The following PAPLN variants were observed in gnomAD, a reference collection of about 807,000 sequenced individuals.
PAPLN encodes the protein papilin, proteoglycan like sulfated glycoprotein.
Under a neutral mutation model 159.0 loss-of-function variants are expected in PAPLN, and 146 were observed. The ratio of observed to expected loss-of-function variants is 0.92; its 90% CI spans 0.80 to 1.05. The LOEUF (loss-of-function observed/expected upper bound fraction) is 1.05, where lower values mean the gene tolerates loss of function less well. Ranked by LOEUF, PAPLN falls within the 50% of genes least tolerant of loss-of-function variation. The pLI is 0.00. For synonymous variants in PAPLN, 734 were observed against 702.9 expected (o/e 1.04, Z -0.70); for missense variants, 1,720 against 1,743.9 (o/e 0.99, Z 0.24).
intron 10 of PAPLN, 132 bp from the exon 11 acceptor site, chr14:73,252,517 C>A: frequency 8.0e-7 from 1 of 1,252,344 alleles, no homozygotes; most frequent in African/African-American, 1.5e-5. Flanking sequence ...GTGGTGGCAC[C>A]TGCCTCGGGG....
rs2269968 is a variant in PAPLN, at chr14:73,271,273, A to G, written c.3668-1222A>G. 8.7e-4 allele frequency among the ~76,000 whole-genome samples: 133 copies of G among 152,292 alleles called. 1 individual carries two copies. In the East Asian group the frequency reaches 0.017, roughly 20 times the overall value. Reference sequence around the variant, plus strand: ...ATGCATTAATGGCTTTGTTATCTATATAAATTTAGGTAGGTAATAGTCTGG... The same window carrying G: ...ATGCATTAATGGCTTTGTTATCTATGTAAATTTAGGTAGGTAATAGTCTGG... On this transcript the variant is annotated intron_variant, in intron 26 of 26. Coordinates refer to ENST00000644200, the MANE Select transcript of PAPLN (RefSeq NM_001365906.3).
Position 73,254,963 on chromosome 14 carries a change from C to T in PAPLN, c.1572C>T (p.His524=), listed in dbSNP as rs947659162. ...GPPSHCGSLQ[H]SKPVDVEPCN... ...CCAGCCACTGCGGGAGCCTGCAGCA[C>T]TCCAAGCCTGTGGATGTGGAGCCTT... The change falls in exon 14 of 27, where the codon CAC becomes CAT. Residue 524 remains histidine, a synonymous_variant. Coordinates refer to ENST00000644200, the MANE Select transcript of PAPLN (RefSeq NM_001365906.3). The T allele has an allele frequency of 2.5e-6, 4 of 1,613,648 alleles. No homozygotes were observed. The highest frequency in any genetic ancestry group is 2.7e-5 in the African/African-American group (2 of 74,926).
intron 5 of PAPLN, among the ~76,000 whole-genome samples, chr14:73,247,737 T>C (rs1475119033): frequency 7.1e-6 from 1 of 139,866 alleles, no homozygotes; most frequent in Admixed American, 7.3e-5. Flanking sequence ...CCTCTGTGCG[T>C]GTGTGTGTGT....
intron 26 of PAPLN, among the ~76,000 whole-genome samples, chr14:73,271,102 T>C (rs1465113523): frequency 6.6e-6 from 1 of 152,194 alleles, no homozygotes; most frequent in East Asian, 1.9e-4. Context: ...GTTACCCAGC[T>C]GGCAAGTGGC....
In PAPLN at chr14:73,245,527, G is replaced by A. The variant is rs1884132804; in HGVS notation, c.171-109G>A. Reference sequence around the variant, plus strand: ...GGGTCGGGGGACACCCTCTCACCTTGCTGCTCCCACTGGAGAGTCCCGCAG... The same window carrying A: ...GGGTCGGGGGACACCCTCTCACCTTACTGCTCCCACTGGAGAGTCCCGCAG... On this transcript the variant is annotated intron_variant, in intron 3 of 26. Transcript: ENST00000644200. The surrounding 1 kb of genome is among the most constrained non-coding windows in gnomAD (Gnocchi z 4.2). 1 of 1,242,888 alleles carries A rather than the reference G, an allele frequency of 8.0e-7. No homozygotes were observed. Among genetic ancestry groups the A allele is most frequent in the African/African-American group, 1.5e-5 (1 of 66,658 alleles). The allele number at this position is 1,242,888 out of a possible 1,614,324, so 77.0% of individuals were successfully genotyped here. A position where few individuals can be genotyped will look rare whatever the true frequency, so the allele number is the denominator to read the frequency against.
rs141960540 is a variant in PAPLN, at chr14:73,251,766, G to T, written c.773G>T (p.Gly258Val). ...AASTILHYERGAEGDLAPERL... is the reference protein window; with the variant it reads ...AASTILHYERVAEGDLAPERL... ...AGCACCATCCTGCATTACGAGCGGG[G>T]TGCTGAGGGGGACCTGGCCCCTGAG... Residue 258 changes from glycine (G) to valine (V), a missense_variant, in exon 9 of 27, where the codon GGT becomes GTT. Coordinates refer to ENST00000644200, the MANE Select transcript of PAPLN (RefSeq NM_001365906.3). 3,359 of 1,611,636 alleles carry T rather than the reference G, an allele frequency of 2.1e-3. 9 individuals are homozygous for T. Among genetic ancestry groups the T allele is most frequent in the Admixed American group, 4.0e-3 (236 of 59,530 alleles).
At chr14:73,239,897 G>A in intron 2 of PAPLN, 65 bp downstream of exon 2, 1 of 1,486,204 alleles carries the variant, frequency 6.7e-7, no homozygotes, top group Non-Finnish European at 8.9e-7. Flanking sequence ...GGGACGCGCG[G>A]GCCCGCAGGC....
Position 73,254,937 on chromosome 14 carries a change from C to T in PAPLN, c.1546C>T (p.Pro516Ser). 1 of 1,613,572 alleles carries T rather than the reference C, an allele frequency of 6.2e-7. No individual in the cohort carries two copies. The highest frequency in any genetic ancestry group is 1.1e-5 in the South Asian group (1 of 91,080). ...RRQVICAIGP[P>S]SHCGSLQHSK... ...ACAGGTCATCTGTGCCATTGGGCCG[C>T]CCAGCCACTGCGGGAGCCTGCAGCA... Residue 516 changes from proline to serine, a missense_variant, in exon 14 of 27, where the codon CCC (proline) becomes TCC (serine). Coordinates refer to ENST00000644200, the MANE Select transcript of PAPLN (RefSeq NM_001365906.3).
Position 73,251,808 on chromosome 14 carries a change from G to C in PAPLN, c.815G>C (p.Gly272Ala). Residue 272 changes from glycine to alanine, a missense_variant, in exon 9 of 27, where the codon GGC becomes GCC. Physicochemically the swap from Gly to Ala is moderately conservative, Grantham distance 60 (BLOSUM62 0). Transcript: ENST00000644200. ...GCCCCTGAGCGACTCCATGCCCGGG[G>C]CCCCACCTCGGAGCCCCTGGTCATC... ...DLAPERLHAR[G>A]PTSEPLVIEL... is the part of the protein sequence containing the mutation. The C allele has an allele frequency of 6.2e-7, 1 of 1,600,042 alleles. No homozygotes were observed. The highest frequency in any genetic ancestry group is 8.5e-7 in the Non-Finnish European group (1 of 1,175,504).
upstream of PAPLN, among the ~76,000 whole-genome samples, chr14:73,236,787 C>T (rs1185016114): frequency 1.4e-5 from 2 of 147,504 alleles, no homozygotes; most frequent in South Asian, 2.1e-4. Context: ...TTGCTCTCTA[C>T]CCTGGGCAAC....
chr14:73,251,355 G>A, intron 7 of PAPLN, 131 bp from the exon 8 acceptor site: 1 of 1,050,924 alleles, frequency 9.5e-7, no homozygotes, highest in Non-Finnish European at 1.4e-6. Flanking sequence ...TTTCCCAGCA[G>A]CTCGGCCCTG....
chr14:73,236,405 G>A (rs970324765), upstream of PAPLN, among the ~76,000 whole-genome samples: 1 of 152,154 alleles, frequency 6.6e-6, no homozygotes, highest in Non-Finnish European at 1.5e-5. Flanking sequence ...GTGTGGAGAC[G>A]GCTTCAAAAG....
chr14:73,252,275 G>A (rs1885369604), intron 10 of PAPLN, 134 bp downstream of exon 10: 2 of 1,343,352 alleles, frequency 1.5e-6, no homozygotes, highest in Admixed American at 5.9e-5. Context: ...AGAAATCTCT[G>A]TGTTATGGGG....
chr14:73,265,289 C>T lies in PAPLN; in HGVS notation c.3126-81C>T. The T allele has an allele frequency of 1.3e-6, 2 of 1,539,044 alleles. No individual in the cohort carries two copies. Among genetic ancestry groups the T allele is most frequent in the Non-Finnish European group, 8.7e-7 (1 of 1,147,682 alleles). ...TGGCTGGAGAGGGAGAAGGGGCCAC[C>T]AGGCTTGTGCAGAGGTGCCCATGGG... On this transcript the variant is annotated intron_variant, in intron 22 of 26. Transcript: ENST00000644200. The surrounding 1 kb of genome is among the most constrained non-coding windows in gnomAD (Gnocchi z 4.1).
chr14:73,252,289 G>A (rs921088278), intron 10 of PAPLN, 148 bp downstream of exon 10: 14 of 1,299,112 alleles, frequency 1.1e-5, no homozygotes, highest in South Asian at 8.1e-5. Context: ...TATGGGGGTC[G>A]CTTTGAGGAA....
intron 5 of PAPLN, among the ~76,000 whole-genome samples, chr14:73,248,332 CT>C (rs1411543284): frequency 1.3e-5 from 2 of 151,898 alleles, no homozygotes; most frequent in African/African-American, 4.8e-5. Context: ...AGAATTCCCC[CT>C]GGATCCTGAA....
Position 73,266,770 on chromosome 14 carries a change from G to A in PAPLN, c.3439G>A (p.Gly1147Ser). 6.2e-7 allele frequency: 1 copy of A among 1,614,044 alleles called. No homozygotes were observed. Among genetic ancestry groups the A allele is most frequent in the Non-Finnish European group, 8.5e-7 (1 of 1,179,948 alleles). ...GCCCCCTACTGTGACAGTGCCAGAGGGTGATACGGCCAGGCTATTGTGTGT... is the reference window on the plus strand; with the variant it reads ...GCCCCCTACTGTGACAGTGCCAGAGAGTGATACGGCCAGGCTATTGTGTGT... ...GLPPTVTVPE[G>S]DTARLLCVVA... is the part of the protein sequence containing the mutation. Residue 1147 changes from glycine to serine, a missense_variant, in exon 25 of 27, where the codon GGT becomes AGT. Coordinates refer to ENST00000644200, the MANE Select transcript of PAPLN (RefSeq NM_001365906.3).
In PAPLN at chr14:73,260,709, G is replaced by C. The variant is rs1283715057; in HGVS notation, c.1986G>C (p.Arg662Ser). 6.8e-7 allele frequency: 1 copy of C among 1,465,082 alleles called. No individual in the cohort carries two copies. Among genetic ancestry groups the C allele is most frequent in the Admixed American group, 2.6e-5 (1 of 38,130 alleles). 90.8% of individuals were successfully genotyped at this position (1,465,082 alleles called of 1,614,324 possible). A position where few individuals can be genotyped will look rare whatever the true frequency, so the allele number is the denominator to read the frequency against. Residue 662 changes from arginine to serine, a missense_variant and splice_region_variant, in exon 17 of 27, where the codon AGG (arginine) becomes AGC (serine). Coordinates refer to ENST00000644200, the MANE Select transcript of PAPLN (RefSeq NM_001365906.3). ...GAGGGGCTGTGTGATGTCTGCCTAG[G>C]TACGGGTGCTGCCCTGACAGGGTAT... The part of the protein sequence containing the change: ...GCPGAPCQQS[R>S]YGCCPDRVSV...
rs764028242 is a variant in PAPLN at position 73,252,791 on chromosome 14, C to A, written c.1094+16C>A. On this transcript the variant is annotated intron_variant, in intron 11 of 26. Coordinates refer to ENST00000644200, the MANE Select transcript of PAPLN (RefSeq NM_001365906.3). Reference sequence around the variant, plus strand: ...AGACCAAGCGGTGAGACCTTGCCAGCCCCTCTACCCATGATGAGGCCCAAG... The same window carrying A: ...AGACCAAGCGGTGAGACCTTGCCAGACCCTCTACCCATGATGAGGCCCAAG... 24 of 1,612,426 alleles carry A rather than the reference C, an allele frequency of 1.5e-5. 1 individual carries two copies. The African/African-American group carries it at 3.2e-4, about 22-fold the overall frequency.
Sources: allele counts gnomAD v4.1 joint callset (sites outside exome capture counted in the v4.1 genomes callset), GRCh38; gene constraint gnomAD v4.1.1; non-coding constraint Gnocchi (gnomAD v3.1); transcripts MANE v1.5; gene names NCBI Gene and HGNC (gene_info 2026-07-23, HGNC 2026-07-21).